The following SCUBE1 variants were observed in gnomAD, a reference collection of about 807,000 sequenced individuals.
SCUBE1 encodes signal peptide, CUB and EGF-like domain-containing protein 1.
A neutral mutation model predicts 124.4 loss-of-function variants in SCUBE1; 59 were observed. That is an observed-to-expected ratio of 0.47 (90% CI 0.38 to 0.59). The LOEUF (loss-of-function observed/expected upper bound fraction) is 0.59. SCUBE1 is among the 20% of genes least tolerant of loss of function. The pLI is 0.00. For missense variants in SCUBE1, 1,150 were observed against 1,371.2 expected, an observed-to-expected ratio of 0.84 and a Z score of 2.55; for synonymous variants, 545 against 550.9, an observed-to-expected ratio of 0.99 and a Z score of 0.15.
intron 3 of SCUBE1, among the ~76,000 whole-genome samples, chr22:43,302,293 C>T (rs112538575): frequency 6.6e-6 from 1 of 152,160 alleles, no homozygotes; most frequent in African/African-American, 2.4e-5. Flanking sequence ...CCTGCTTTGT[C>T]GGCACCTTTA....
chr22:43,342,510 C>T (rs982050295), intron 1 of SCUBE1, among the ~76,000 whole-genome samples: 2 of 151,856 alleles, frequency 1.3e-5, no homozygotes, highest in Admixed American at 6.6e-5. Flanking sequence ...CACCGCCCCC[C>T]CCAACCCCGT....
At chr22:43,264,885 C>T (rs1264338035) in intron 4 of SCUBE1, among the ~76,000 whole-genome samples, 1 of 152,272 alleles carries the variant, frequency 6.6e-6, no homozygotes, top group Non-Finnish European at 1.5e-5. Flanking sequence ...CTCCTGGCTC[C>T]TGCCTTCTAC....
At position 43,202,330 on chromosome 22, in the gene SCUBE1, G is replaced by C. The variant is rs1380595943; in HGVS notation, c.*1667C>G. 6.6e-6 allele frequency: 1 copy of C among 152,226 alleles called. No individual in the cohort carries two copies. Among genetic ancestry groups the C allele is most frequent in the Non-Finnish European group, 1.5e-5 (1 of 68,052 alleles). The allele number at this position is 152,226 out of a possible 1,614,324, so 9.4% of individuals were successfully genotyped here. A position where few individuals can be genotyped will look rare whatever the true frequency, so the allele number is the denominator to read the frequency against. On this transcript the variant is annotated 3_prime_UTR_variant, in exon 22 of 22. Coordinates refer to ENST00000360835, the MANE Select transcript of SCUBE1 (RefSeq NM_173050.5). ...TTCTCGCCAGCCAGGCTGGGCCCGGGGGTGACCAGGAGGAACCCTAGAGGC... is the reference window on the plus strand; with the variant it reads ...TTCTCGCCAGCCAGGCTGGGCCCGGCGGTGACCAGGAGGAACCCTAGAGGC...
At chr22:43,257,094 G>A (rs900014772) in intron 6 of SCUBE1, among the ~76,000 whole-genome samples, 1 of 152,212 alleles carries the variant, frequency 6.6e-6, no homozygotes, top group East Asian at 1.9e-4. Context: ...GAGAGCCACC[G>A]CAGGCAGCAG....
Position 43,322,596 on chromosome 22 carries a change from G to C in SCUBE1, c.221-2531C>G, listed in dbSNP as rs117628855. The stretch of plus-strand genomic sequence containing the variant: ...TTATTTTCACTACCTGTCAGCATGA[G>C]TATCACCTCACACCCGATTTGACTC... On this transcript the variant is annotated intron_variant, in intron 2 of 21. Coordinates refer to ENST00000360835, the MANE Select transcript of SCUBE1 (RefSeq NM_173050.5). Among the ~76,000 whole-genome samples the C allele has an allele frequency of 9.8e-4, 149 of 152,238 alleles. 1 individual carries two copies. The East Asian group carries it at 0.027, about 28-fold the overall frequency.
At chr22:43,239,128 C>T in intron 6 of SCUBE1, 174 bp from the exon 7 acceptor site, 2 of 605,180 alleles carry the variant, frequency 3.3e-6, no homozygotes, top group Non-Finnish European at 3.0e-6. Context: ...CTCTGAGCCT[C>T]AAGCTCCCCA....
chr22:43,341,146 C>CCG (rs1391747587), intron 1 of SCUBE1, among the ~76,000 whole-genome samples: 2 of 141,296 alleles, frequency 1.4e-5, no homozygotes, highest in East Asian at 3.9e-4. Context: ...CATTGCTTTC[C>CCG]GGGGGGGGCT....
At chr22:43,313,840 C>G (rs920454534) in intron 3 of SCUBE1, among the ~76,000 whole-genome samples, 1 of 152,188 alleles carries the variant, frequency 6.6e-6, no homozygotes, top group Admixed American at 6.5e-5. Flanking sequence ...AAAACTTAGG[C>G]AAGAAAATAA....
chr22:43,206,776 C>T (rs906248510), intron 21 of SCUBE1, among the ~76,000 whole-genome samples: 54 of 152,164 alleles, frequency 3.5e-4, no homozygotes, highest in African/African-American at 1.3e-3. Flanking sequence ...GGGAGCGATG[C>T]TCCCAGGGCG....
At chr22:43,213,653 G>C (rs1921670692) in intron 16 of SCUBE1, 1 of 153,646 alleles carries the variant, frequency 6.5e-6, no homozygotes. Flanking sequence ...AAAGTTCTTT[G>C]TGTGGAGCAA....
chr22:43,204,194 T>G, intron 21 of SCUBE1, 45 bp from the exon 22 acceptor site: 1 of 1,598,900 alleles, frequency 6.3e-7, no homozygotes, highest in Non-Finnish European at 8.6e-7. Flanking sequence ...TTGGGGCCTG[T>G]AGGGTCTGTG....
rs530162500 is a variant in SCUBE1 at position 43,293,880 on chromosome 22, G to T, written c.350-2700C>A. On this transcript the variant is annotated intron_variant, in intron 3 of 21. Coordinates refer to ENST00000360835, the MANE Select transcript of SCUBE1 (RefSeq NM_173050.5). Reference sequence around the variant, plus strand: ...GCTACCTCATCCCTGTCACGAGGAAGCTCCCTGGCGCCGCCCATCTGCAGC... The same window carrying T: ...GCTACCTCATCCCTGTCACGAGGAATCTCCCTGGCGCCGCCCATCTGCAGC... Among the ~76,000 whole-genome samples, 58 of 152,202 alleles carry T rather than the reference G, an allele frequency of 3.8e-4. 1 individual carries two copies. Among genetic ancestry groups the T allele is most frequent in the Non-Finnish European group, 7.3e-4 (50 of 68,032 alleles).
At chr22:43,245,016 T>A (rs906293970) in intron 6 of SCUBE1, among the ~76,000 whole-genome samples, 2 of 152,174 alleles carry the variant, frequency 1.3e-5, no homozygotes, top group South Asian at 2.1e-4. Flanking sequence ...CCTCTGACCA[T>A]CTTCCCACAG....
intron 21 of SCUBE1, among the ~76,000 whole-genome samples, chr22:43,205,603 A>G (rs968677249): frequency 2.7e-5 from 4 of 147,756 alleles, no homozygotes; most frequent in Non-Finnish European, 6.0e-5. Context: ...CCCACTCACC[A>G]CACACCCACC....
chr22:43,336,229 G>A (rs1927075680), intron 2 of SCUBE1, among the ~76,000 whole-genome samples: 1 of 152,122 alleles, frequency 6.6e-6, no homozygotes, highest in Admixed American at 6.5e-5. Context: ...CCACCCAGAT[G>A]TTCACATGAG....
intron 6 of SCUBE1, among the ~76,000 whole-genome samples, chr22:43,242,236 G>A (rs1923034106): frequency 6.6e-6 from 1 of 152,156 alleles, no homozygotes; most frequent in Non-Finnish European, 1.5e-5. Context: ...TGCTGCTGAG[G>A]AGGCCCCTGC....
intron 15 of SCUBE1, among the ~76,000 whole-genome samples, chr22:43,214,491 C>T (rs1921722209): frequency 6.6e-6 from 1 of 152,244 alleles, no homozygotes; most frequent in East Asian, 1.9e-4. Flanking sequence ...CCTCTGTGGA[C>T]CCCTCCATCT....
intron 4 of SCUBE1, among the ~76,000 whole-genome samples, chr22:43,290,083 C>T (rs1231282355): frequency 6.6e-6 from 1 of 152,200 alleles, no homozygotes; most frequent in East Asian, 1.9e-4. Context: ...CCCTGGGAAC[C>T]TTGGCTCCTG....
intron 3 of SCUBE1, among the ~76,000 whole-genome samples, chr22:43,307,110 T>A (rs548955429): frequency 6.6e-6 from 1 of 152,198 alleles, no homozygotes; most frequent in African/African-American, 2.4e-5. Context: ...GATAAAGAGC[T>A]TGGCCAATCC....
Sources: gnomAD v4.1 joint callset for allele counts (sites outside exome capture counted in the v4.1 genomes callset) on GRCh38, gnomAD v4.1.1 for gene constraint, MANE v1.5 for transcripts, NCBI Gene and HGNC (gene_info 2026-07-23, HGNC 2026-07-21) for gene names.